The following SORCS2 variants were observed in gnomAD, a reference collection of about 807,000 sequenced individuals.
SORCS2 encodes sortilin related VPS10 domain containing receptor 2.
A neutral mutation model predicts 141.6 loss-of-function variants in SORCS2; 100 were observed. That is an observed-to-expected ratio of 0.71 (90% confidence interval 0.60 to 0.83). The LOEUF (loss-of-function observed/expected upper bound fraction) is 0.83, where lower values mean the gene tolerates loss of function less well. SORCS2 is among the 40% of genes least tolerant of loss of function. The probability of loss-of-function intolerance (pLI) is 0.00; values close to 1 mark genes in which losing one functional copy is unlikely to be tolerated. For synonymous variants in SORCS2, 789 were observed against 676.9 expected (o/e 1.17, Z -2.57); for missense variants, 1,646 against 1,560.2 (o/e 1.05, Z -0.93).
chr4:7,306,706 G>A (rs1167747318), intron 1 of SORCS2, among the ~76,000 whole-genome samples: 1 of 152,170 alleles, frequency 6.6e-6, no homozygotes. Context: ...GCTGTCCAGA[G>A]GCTGGCAGGG....
At chr4:7,439,091 C>T (rs1352903488) in intron 2 of SORCS2, among the ~76,000 whole-genome samples, 2 of 152,112 alleles carry the variant, frequency 1.3e-5, no homozygotes, top group Non-Finnish European at 2.9e-5. Flanking sequence ...GTGCTCATTG[C>T]TCCTGTGCTG....
intron 1 of SORCS2, among the ~76,000 whole-genome samples, chr4:7,276,640 C>A (rs1161731401): frequency 1.3e-5 from 2 of 152,144 alleles, no homozygotes; most frequent in African/African-American, 4.8e-5. Flanking sequence ...CACTTTGCAC[C>A]CAGGGAGCTT....
intron 2 of SORCS2, among the ~76,000 whole-genome samples, chr4:7,405,306 C>G (rs1007973295): frequency 3.3e-5 from 5 of 152,030 alleles, no homozygotes; most frequent in Non-Finnish European, 7.4e-5. Context: ...CAGCTTTGTT[C>G]TTCTTGCTTA....
chr4:7,614,505 C>T (rs1053711678), intron 3 of SORCS2, among the ~76,000 whole-genome samples: 2 of 151,320 alleles, frequency 1.3e-5, no homozygotes, highest in Non-Finnish European at 2.9e-5. Context: ...ATTCATCCAC[C>T]CACCCATCTA....
Position 7,489,122 on chromosome 4 carries a change from A to T in SORCS2, c.549-42408A>T, listed in dbSNP as rs374383014. On this transcript the variant is annotated intron_variant, in intron 2 of 26. Transcript: ENST00000507866. The stretch of plus-strand genomic sequence containing the variant: ...TAACCAAATGGTTGCACAGACAGCA[A>T]GATGGAGGCTGAAATCCGTGCAACG... Among the ~76,000 whole-genome samples, 5 of 152,342 alleles carry T rather than the reference A, an allele frequency of 3.3e-5. No individual in the cohort carries two copies. In the East Asian group the frequency reaches 5.8e-4, roughly 18 times the overall value.
intron 1 of SORCS2, among the ~76,000 whole-genome samples, chr4:7,234,723 G>A (rs890714894): frequency 1.3e-5 from 2 of 152,240 alleles, no homozygotes; most frequent in East Asian, 3.8e-4. Context: ...ACGGTGCCTG[G>A]CATACAGTAA....
rs148594399 is a variant in SORCS2 at position 7,270,847 on chromosome 4, A to G, written c.480+77721A>G. On this transcript the variant is annotated intron_variant, in intron 1 of 26. Transcript: ENST00000507866. ...GAACCACACACCCCACTGGGGAATG[A>G]AGTTCCTGGTTAGAAACCCAGCCCC... is the stretch of plus-strand genomic sequence containing the variant. Among the ~76,000 whole-genome samples, 484 of 152,390 alleles carry G rather than the reference A, an allele frequency of 3.2e-3. 4 individuals are homozygous for G. Among genetic ancestry groups the G allele is most frequent in the African/African-American group, 0.011 (464 of 41,596 alleles).
chr4:7,567,539 G>A (rs141276391), intron 3 of SORCS2, among the ~76,000 whole-genome samples: 6 of 152,252 alleles, frequency 3.9e-5, no homozygotes, highest in African/African-American at 1.4e-4. Context: ...GTGCAGTGCT[G>A]TCCCCATCGC....
chr4:7,691,995 C>T (rs1192028288), intron 11 of SORCS2, among the ~76,000 whole-genome samples: 1 of 151,432 alleles, frequency 6.6e-6, no homozygotes, highest in Admixed American at 6.6e-5. Context: ...CCCTGCTTGC[C>T]CCCCACTGTC....
At chr4:7,511,333 A>G (rs1276783461) in intron 2 of SORCS2, among the ~76,000 whole-genome samples, 2 of 145,248 alleles carry the variant, frequency 1.4e-5, no homozygotes, top group African/African-American at 5.0e-5. Context: ...CAAATACACA[A>G]CTAGAGAGAG....
chr4:7,337,106 C>A (rs4374625), intron 1 of SORCS2, among the ~76,000 whole-genome samples: 76,231 of 152,006 alleles, frequency 0.5, 19,361 homozygotes, highest in East Asian at 0.57. Flanking sequence ...TCATGACCCA[C>A]TCCCGTCTGG....
intron 1 of SORCS2, among the ~76,000 whole-genome samples, chr4:7,311,730 A>G (rs1327786800): frequency 1.3e-5 from 2 of 152,170 alleles, no homozygotes; most frequent in East Asian, 3.8e-4. Context: ...TTGTCATTTT[A>G]AAAGAGTTTG....
At chr4:7,544,051 G>GCCAC (rs1398143022) in intron 3 of SORCS2, among the ~76,000 whole-genome samples, 4 of 50,212 alleles carry the variant, frequency 8.0e-5, no homozygotes, top group African/African-American at 2.6e-4. Context: ...CATCCATCCA[G>GCCAC]CCACCCACCC....
chr4:7,314,808 T>G (rs1718449216), intron 1 of SORCS2, among the ~76,000 whole-genome samples: 2 of 78,044 alleles, frequency 2.6e-5, no homozygotes, highest in South Asian at 4.4e-4. Flanking sequence ...CTGTTTTTTT[T>G]TTTTTTTTTT....
At chr4:7,416,685 C>T (rs1008146918) in intron 2 of SORCS2, among the ~76,000 whole-genome samples, 1 of 151,704 alleles carries the variant, frequency 6.6e-6, no homozygotes, top group Non-Finnish European at 1.5e-5. Context: ...CACACTCAGA[C>T]ACGCATGCAT....
At chr4:7,563,031 A>T (rs16840505) in intron 3 of SORCS2, among the ~76,000 whole-genome samples, 1 of 152,076 alleles carries the variant, frequency 6.6e-6, no homozygotes, top group East Asian at 1.9e-4. Flanking sequence ...TTAACCCAAT[A>T]TGCCATGCTT....
intron 3 of SORCS2, among the ~76,000 whole-genome samples, chr4:7,602,538 C>T (rs1445485039): frequency 8.0e-5 from 12 of 150,388 alleles, no homozygotes; most frequent in African/African-American, 2.9e-4. Flanking sequence ...CAGAGACGCT[C>T]CTCACTTCCT....
intron 1 of SORCS2, among the ~76,000 whole-genome samples, chr4:7,321,264 A>C (rs1718875900): frequency 6.6e-6 from 1 of 152,208 alleles, no homozygotes; most frequent in African/African-American, 2.4e-5. Context: ...TTGCTGCAAA[A>C]TACACAATTT....
chr4:7,362,325 C>T (rs2109025641), intron 1 of SORCS2, among the ~76,000 whole-genome samples: 1 of 152,288 alleles, frequency 6.6e-6, no homozygotes, highest in Admixed American at 6.5e-5. Flanking sequence ...ATACTAGAGT[C>T]CTTCCACGCC....
Sources: gnomAD v4.1 joint callset for allele counts (sites outside exome capture counted in the v4.1 genomes callset) on GRCh38, gnomAD v4.1.1 for gene constraint, MANE v1.5 for transcripts, NCBI Gene and HGNC (gene_info 2026-07-23, HGNC 2026-07-21) for gene names.